The following KIRREL3 variants were observed in gnomAD, a reference collection of about 807,000 sequenced individuals.
KIRREL3 encodes kin of IRRE-like protein 3.
Under a neutral mutation model 89.7 loss-of-function variants are expected in KIRREL3, and 36 were observed. That is an observed-to-expected ratio of 0.40 (90% CI 0.31 to 0.53). The LOEUF (loss-of-function observed/expected upper bound fraction) is 0.53. Ranked by LOEUF, KIRREL3 falls within the 20% of genes least tolerant of loss-of-function variation. The pLI, the probability that KIRREL3 is intolerant of heterozygous loss-of-function variation, is 0.49. For missense variants in KIRREL3, 864 were observed against 1,056.6 expected (o/e 0.82, Z 2.53); for synonymous variants, 445 against 441.4 (o/e 1.01, Z -0.10).
rs371048838 is a variant in KIRREL3 at position 126,811,880 on chromosome 11, C to G, written c.55+188575G>C. On this transcript the variant is annotated intron_variant, in intron 1 of 16. Coordinates refer to ENST00000525144, the MANE Select transcript of KIRREL3 (RefSeq NM_032531.4). This position sits in a 1 kb window ranked among gnomAD's most constrained non-coding sequence, Gnocchi z 4.3. The stretch of plus-strand genomic sequence containing the variant: ...GGGATTACAGGTGTGAGCCACTGTG[C>G]CTGGCCAGCAATGAACTTCTAAGAG... Among the ~76,000 whole-genome samples, 11 of 152,298 alleles carry G rather than the reference C, an allele frequency of 7.2e-5. 1 individual carries two copies. Among genetic ancestry groups the G allele is most frequent in the Admixed American group, 4.6e-4 (7 of 15,308 alleles).
chr11:126,778,486 C>T lies in KIRREL3; in HGVS notation c.56-215574G>A, dbSNP rs1207578923. 6.6e-6 allele frequency among the ~76,000 whole-genome samples: 1 copy of T among 152,170 alleles called. No homozygotes were observed. Among genetic ancestry groups the T allele is most frequent in the Non-Finnish European group, 1.5e-5 (1 of 68,040 alleles). ...GAGGTTGTGCTATAATGTATTAAGC[C>T]AATCCTCAATTGTTGGAATTTGTAT... On this transcript the variant is annotated intron_variant, in intron 1 of 16. Transcript: ENST00000525144. The surrounding 1 kb of genome is among the most constrained non-coding windows in gnomAD (Gnocchi z 4.5).
chr11:126,751,973 G>A (rs141739522), intron 1 of KIRREL3, among the ~76,000 whole-genome samples: 1 of 152,184 alleles, frequency 6.6e-6, no homozygotes, highest in South Asian at 2.1e-4. Context: ...AAAGTGCTGG[G>A]ATTACAGGCA....
In KIRREL3 at chr11:126,783,763, G is replaced by A. The variant is rs571844014; in HGVS notation, c.55+216692C>T. Among the ~76,000 whole-genome samples, 3 of 152,326 alleles carry A rather than the reference G, an allele frequency of 2.0e-5. No homozygotes were observed. Among genetic ancestry groups the A allele is most frequent in the South Asian group, 2.1e-4 (1 of 4,824 alleles). ...TCAAAGAAGTAGAGTATAGCTTCCCGCTCCTTAAGCGTGGGCTGCACATAG... is the reference window on the plus strand; with the variant it reads ...TCAAAGAAGTAGAGTATAGCTTCCCACTCCTTAAGCGTGGGCTGCACATAG... On this transcript the variant is annotated intron_variant, in intron 1 of 16. Coordinates refer to ENST00000525144, the MANE Select transcript of KIRREL3 (RefSeq NM_032531.4). The surrounding 1 kb of genome is among the most constrained non-coding windows in gnomAD (Gnocchi z 4.3).
chr11:126,876,204 G>A lies in KIRREL3; in HGVS notation c.55+124251C>T, dbSNP rs1259168884. 1.3e-5 allele frequency among the ~76,000 whole-genome samples: 2 copies of A among 152,206 alleles called. No individual in the cohort carries two copies. Among genetic ancestry groups the A allele is most frequent in the Admixed American group, 6.5e-5 (1 of 15,274 alleles). On this transcript the variant is annotated intron_variant, in intron 1 of 16. Coordinates refer to ENST00000525144, the MANE Select transcript of KIRREL3 (RefSeq NM_032531.4). This position sits in a 1 kb window ranked among gnomAD's most constrained non-coding sequence, Gnocchi z 4.1. ...CTCAGGTCTTTTCTCTCAAGAATAAGCATTGGCAAGTTCTTTTCATGGACC... is the reference window on the plus strand; with the variant it reads ...CTCAGGTCTTTTCTCTCAAGAATAAACATTGGCAAGTTCTTTTCATGGACC...
rs1591735094 is a variant in KIRREL3, at chr11:126,558,251, C to A, written c.133+4584G>T. ...TTTCCCCTTCTCAAGAGTCCTGTGG[C>A]CTGCCAGCTTTTCTGGTCCCCCAGG... is the stretch of plus-strand genomic sequence containing the variant. On this transcript the variant is annotated intron_variant, in intron 2 of 16. Transcript: ENST00000525144. The surrounding 1 kb of genome is among the most constrained non-coding windows in gnomAD (Gnocchi z 4.0). 6.6e-6 allele frequency among the ~76,000 whole-genome samples: 1 copy of A among 152,304 alleles called. No individual in the cohort carries two copies. Among genetic ancestry groups the A allele is most frequent in the African/African-American group, 2.4e-5 (1 of 41,578 alleles).
chr11:126,807,067 C>T lies in KIRREL3; in HGVS notation c.55+193388G>A, dbSNP rs1055085164. 1.3e-5 allele frequency among the ~76,000 whole-genome samples: 2 copies of T among 152,092 alleles called. No homozygotes were observed. Among genetic ancestry groups the T allele is most frequent in the Admixed American group, 6.6e-5 (1 of 15,266 alleles). ...ATGGCACATATGTGCCACATGACCACGCTGTACTCTTCAAAGGGGATGAAA... is the reference window on the plus strand; with the variant it reads ...ATGGCACATATGTGCCACATGACCATGCTGTACTCTTCAAAGGGGATGAAA... On this transcript the variant is annotated intron_variant, in intron 1 of 16. Coordinates refer to ENST00000525144, the MANE Select transcript of KIRREL3 (RefSeq NM_032531.4). This position sits in a 1 kb window ranked among gnomAD's most constrained non-coding sequence, Gnocchi z 4.3.
intron 1 of KIRREL3, among the ~76,000 whole-genome samples, chr11:126,654,481 A>G (rs571547433): frequency 6.6e-6 from 1 of 152,240 alleles, no homozygotes; most frequent in South Asian, 2.1e-4. Flanking sequence ...CCTTTCTGGG[A>G]AGACCTCTAA....
At chr11:126,842,846 G>A (rs1029938955) in intron 1 of KIRREL3, among the ~76,000 whole-genome samples, 5 of 152,174 alleles carry the variant, frequency 3.3e-5, no homozygotes, top group Non-Finnish European at 7.3e-5. Context: ...ACACTGGGCC[G>A]ACCATGAGTT....
Position 126,566,877 on chromosome 11 carries a change from A to G in KIRREL3, c.56-3965T>C, listed in dbSNP as rs909180791. Among the ~76,000 whole-genome samples, 11 of 152,206 alleles carry G rather than the reference A, an allele frequency of 7.2e-5. No individual in the cohort carries two copies. Among genetic ancestry groups the G allele is most frequent in the Non-Finnish European group, 1.5e-4 (10 of 68,044 alleles). On this transcript the variant is annotated intron_variant, in intron 1 of 16. Transcript: ENST00000525144. The surrounding 1 kb of genome is among the most constrained non-coding windows in gnomAD (Gnocchi z 4.9). The stretch of plus-strand genomic sequence containing the variant: ...CTGTGACACAGGCAAGTCAGAAATT[A>G]TCTATTTCATTTTGGTTTCACAAAC...
rs1957449279 is a variant in KIRREL3 at position 126,489,343 on chromosome 11, C to G, written c.434-15877G>C. On this transcript the variant is annotated intron_variant, in intron 4 of 16. Transcript: ENST00000525144. This position sits in a 1 kb window ranked among gnomAD's most constrained non-coding sequence, Gnocchi z 5.5. ...ACGGAGCAGGTGCTCAACAGATGAG[C>G]ACCCCATCAATGATGGAAGGGTAAG... Among the ~76,000 whole-genome samples, 2 of 152,152 alleles carry G rather than the reference C, an allele frequency of 1.3e-5. No homozygotes were observed. The highest frequency in any genetic ancestry group is 4.1e-4 in the South Asian group (2 of 4,826).
Position 126,562,059 on chromosome 11 carries a change from A to G in KIRREL3, c.133+776T>C, listed in dbSNP as rs997081776. On this transcript the variant is annotated intron_variant, in intron 2 of 16. Coordinates refer to ENST00000525144, the MANE Select transcript of KIRREL3 (RefSeq NM_032531.4). This position sits in a 1 kb window ranked among gnomAD's most constrained non-coding sequence, Gnocchi z 4.7. The stretch of plus-strand genomic sequence containing the variant: ...CCAAGGCTTCATTTGTCTGACTTTA[A>G]TGAATAAATGGCATCCCCAGCCATT... Among the ~76,000 whole-genome samples the G allele has an allele frequency of 3.2e-4, 48 of 152,224 alleles. No homozygotes were observed. The highest frequency in any genetic ancestry group is 1.1e-3 in the African/African-American group (47 of 41,462).
rs536736739 is a variant in KIRREL3, at chr11:126,581,051, A to G, written c.56-18139T>C. Among the ~76,000 whole-genome samples, 11 of 152,244 alleles carry G rather than the reference A, an allele frequency of 7.2e-5. No homozygotes were observed. In the South Asian group the frequency reaches 2.1e-3, roughly 29 times the overall value. On this transcript the variant is annotated intron_variant, in intron 1 of 16. Coordinates refer to ENST00000525144, the MANE Select transcript of KIRREL3 (RefSeq NM_032531.4). ...CTTCTCAAACCATGCCTGCAATGCC[A>G]GTTTAAAGAACATGGAGGCAGGACA... is the stretch of plus-strand genomic sequence containing the variant.
intron 9 of KIRREL3, among the ~76,000 whole-genome samples, chr11:126,446,184 A>G (rs957859130): frequency 2.0e-5 from 3 of 151,434 alleles, no homozygotes; most frequent in Non-Finnish European, 4.4e-5. Context: ...AACACAGGAA[A>G]GTGAAGCCCA....
At chr11:126,899,132 CAG>C (rs1946275713) in intron 1 of KIRREL3, among the ~76,000 whole-genome samples, 2 of 152,000 alleles carry the variant, frequency 1.3e-5, no homozygotes. Flanking sequence ...GGAAAAAACC[CAG>C]GAGATGCACT....
Position 126,978,627 on chromosome 11 carries a change from C to T in KIRREL3, c.55+21828G>A, listed in dbSNP as rs1949642909. ...CCTGAGTGGTCTACGTTCTCCCATG[C>T]TTCCCAGGCTTTAGCACCTGCTACT... is the stretch of plus-strand genomic sequence containing the variant. On this transcript the variant is annotated intron_variant, in intron 1 of 16. Coordinates refer to ENST00000525144, the MANE Select transcript of KIRREL3 (RefSeq NM_032531.4). This position sits in a 1 kb window ranked among gnomAD's most constrained non-coding sequence, Gnocchi z 4.2. 6.6e-6 allele frequency among the ~76,000 whole-genome samples: 1 copy of T among 152,132 alleles called. No homozygotes were observed. Among genetic ancestry groups the T allele is most frequent in the South Asian group, 2.1e-4 (1 of 4,822 alleles).
intron 1 of KIRREL3, among the ~76,000 whole-genome samples, chr11:126,727,552 C>T (rs542928804): frequency 3.9e-5 from 6 of 152,308 alleles, no homozygotes; most frequent in African/African-American, 1.4e-4. Context: ...GTACCCTGCA[C>T]CCTGCCCAGC....
rs570102481 is a variant in KIRREL3, at chr11:126,890,863, T to C, written c.55+109592A>G. Among the ~76,000 whole-genome samples the C allele has an allele frequency of 7.2e-5, 11 of 152,316 alleles. No individual in the cohort carries two copies. In the South Asian group the frequency reaches 2.1e-3, roughly 29 times the overall value. On this transcript the variant is annotated intron_variant, in intron 1 of 16. Coordinates refer to ENST00000525144, the MANE Select transcript of KIRREL3 (RefSeq NM_032531.4). This position sits in a 1 kb window ranked among gnomAD's most constrained non-coding sequence, Gnocchi z 5.1. ...CATTGTTTCAATAGGAGTCACATGA[T>C]TTTCCAAAACACAATCCCTTCTTTC...
intron 1 of KIRREL3, among the ~76,000 whole-genome samples, chr11:126,595,853 C>G (rs1942366146): frequency 6.6e-6 from 1 of 152,236 alleles, no homozygotes; most frequent in Admixed American, 6.5e-5. Flanking sequence ...AGAACCTTCT[C>G]TAGCTCTGCT....
At chr11:126,937,629 G>GCA (rs1565440138) in intron 1 of KIRREL3, among the ~76,000 whole-genome samples, 1 of 152,196 alleles carries the variant, frequency 6.6e-6, no homozygotes, top group African/African-American at 2.4e-5. Context: ...GGCCGGGCGT[G>GCA]GTGGCTCATG....
Sources: gnomAD v4.1 joint callset for allele counts (sites outside exome capture counted in the v4.1 genomes callset) on GRCh38, gnomAD v4.1.1 for gene constraint, Gnocchi (gnomAD v3.1) non-coding constraint, MANE v1.5 for transcripts, NCBI Gene and HGNC (gene_info 2026-07-23, HGNC 2026-07-21) for gene names.